The following ADAM23 variants were observed in gnomAD, a reference collection of about 807,000 sequenced individuals.
The protein encoded by ADAM23 is ADAM metallopeptidase domain 23.
Under a neutral mutation model 120.1 loss-of-function variants are expected in ADAM23, and 33 were observed. That is an observed-to-expected ratio of 0.27 (90% CI 0.21 to 0.37). The LOEUF is 0.37. Among genes scored for constraint, ADAM23 ranks in the 10% least tolerant of loss-of-function variants. The probability of loss-of-function intolerance (pLI) is 1.00; values close to 1 mark genes in which losing one functional copy is unlikely to be tolerated. For synonymous variants in ADAM23, 367 were observed against 375.2 expected (o/e 0.98, Z 0.25); for missense variants, 862 against 1,058.2 (o/e 0.81, Z 2.57).
intron 15 of ADAM23, among the ~76,000 whole-genome samples, chr2:206,568,550 C>G (rs1269768268): frequency 3.9e-5 from 6 of 152,196 alleles, no homozygotes; most frequent in Admixed American, 3.9e-4. Flanking sequence ...TAAACTTCAG[C>G]AAAGCTGGAA....
intron 3 of ADAM23, among the ~76,000 whole-genome samples, chr2:206,498,829 T>C (rs1403543056): frequency 6.6e-6 from 1 of 151,944 alleles, no homozygotes; most frequent in African/African-American, 2.4e-5. Flanking sequence ...CATCAAAAAG[T>C]GGGTGAAGGA....
intron 3 of ADAM23, among the ~76,000 whole-genome samples, chr2:206,493,928 A>G (rs1160670470): frequency 2.6e-5 from 4 of 152,108 alleles, no homozygotes; most frequent in African/African-American, 4.8e-5. Flanking sequence ...TCTCTTGTAA[A>G]TCTCCAGGAT....
intron 4 of ADAM23, among the ~76,000 whole-genome samples, chr2:206,535,302 T>C (rs1453663017): frequency 6.6e-6 from 1 of 152,204 alleles, no homozygotes; most frequent in Non-Finnish European, 1.5e-5. Flanking sequence ...TGATGGACAA[T>C]AACAAGTGCT....
intron 2 of ADAM23, among the ~76,000 whole-genome samples, chr2:206,456,540 A>G (rs993416819): frequency 6.6e-6 from 1 of 152,192 alleles, no homozygotes; most frequent in African/African-American, 2.4e-5. Flanking sequence ...TTACAATTCA[A>G]CATGATATTT....
chr2:206,458,200 C>T (rs1695339021), intron 2 of ADAM23, among the ~76,000 whole-genome samples: 1 of 72,976 alleles, frequency 1.4e-5, no homozygotes, highest in South Asian at 4.2e-4. Context: ...TTACTTAGCC[C>T]CTCTAAGCCC....
At chr2:206,591,236 T>TA (rs1162398914) in intron 21 of ADAM23, among the ~76,000 whole-genome samples, 9 of 152,060 alleles carry the variant, frequency 5.9e-5, no homozygotes, top group Non-Finnish European at 7.4e-5. Flanking sequence ...TTTTACCAAA[T>TA]AATTATGAAG....
chr2:206,567,561 C>G (rs553365132), intron 15 of ADAM23, among the ~76,000 whole-genome samples: 1 of 152,132 alleles, frequency 6.6e-6, no homozygotes. Flanking sequence ...CTCCCAAATC[C>G]TCCCTTCCAA....
intron 3 of ADAM23, 34 bp downstream of exon 3, chr2:206,481,342 G>T (rs747241313): frequency 1.3e-5 from 19 of 1,489,540 alleles, no homozygotes; most frequent in Non-Finnish European, 1.6e-5. Flanking sequence ...TTAAGAAGCA[G>T]GTGCAATAAA....
intron 2 of ADAM23, among the ~76,000 whole-genome samples, chr2:206,479,241 C>T (rs1695845145): frequency 6.6e-6 from 1 of 152,186 alleles, no homozygotes; most frequent in East Asian, 1.9e-4. Flanking sequence ...ACTACATTTA[C>T]CACCAGATTA....
intron 24 of ADAM23, among the ~76,000 whole-genome samples, chr2:206,603,891 T>C (rs1412350724): frequency 6.6e-6 from 1 of 151,264 alleles, no homozygotes; most frequent in Non-Finnish European, 1.5e-5. Context: ...ATGTGGCTTA[T>C]ATAAAAATTG....
chr2:206,546,867 G>A (rs1354353693), intron 6 of ADAM23, among the ~76,000 whole-genome samples: 1 of 152,050 alleles, frequency 6.6e-6, no homozygotes, highest in African/African-American at 2.4e-5. Flanking sequence ...TAAGAATAAT[G>A]GTAATAGACA....
chr2:206,535,582 G>A (rs1336967960), intron 4 of ADAM23, among the ~76,000 whole-genome samples: 2 of 152,190 alleles, frequency 1.3e-5, no homozygotes, highest in Non-Finnish European at 2.9e-5. Flanking sequence ...GAAGGAATAA[G>A]GGAAATATGG....
chr2:206,590,353 C>T (rs1698403998), intron 21 of ADAM23, among the ~76,000 whole-genome samples: 2 of 152,322 alleles, frequency 1.3e-5, no homozygotes, highest in South Asian at 2.1e-4. Flanking sequence ...CCTCCTCAGC[C>T]TCTCAAAGTG....
At chr2:206,504,497 C>G (rs896427810) in intron 3 of ADAM23, among the ~76,000 whole-genome samples, 1 of 152,122 alleles carries the variant, frequency 6.6e-6, no homozygotes, top group Non-Finnish European at 1.5e-5. Flanking sequence ...GTAAGAGACG[C>G]CCTGCCTTGA....
chr2:206,472,893 A>G (rs1479348438), intron 2 of ADAM23, among the ~76,000 whole-genome samples: 2 of 152,150 alleles, frequency 1.3e-5, no homozygotes, highest in Non-Finnish European at 1.5e-5. Context: ...GCTTCCTTTA[A>G]GTAGGAGATG....
Position 206,452,142 on chromosome 2 carries a change from A to G in ADAM23, c.432+6618A>G, listed in dbSNP as rs1436888345. Among the ~76,000 whole-genome samples the G allele has an allele frequency of 2.0e-5, 3 of 152,232 alleles. No homozygotes were observed. The East Asian group carries it at 5.8e-4, about 29-fold the overall frequency. ...GGTAAGATGTGGCTCCTCTTTAGATAGGATGACACATGCTGTTTACTGCAG... is the reference window on the plus strand; with the variant it reads ...GGTAAGATGTGGCTCCTCTTTAGATGGGATGACACATGCTGTTTACTGCAG... On this transcript the variant is annotated intron_variant, in intron 2 of 25. Coordinates refer to ENST00000264377, the MANE Select transcript of ADAM23 (RefSeq NM_003812.4).
rs537202173 is a variant in ADAM23 at position 206,612,950 on chromosome 2, C to G, written c.2450+2950C>G. On this transcript the variant is annotated intron_variant, in intron 25 of 25. Coordinates refer to ENST00000264377, the MANE Select transcript of ADAM23 (RefSeq NM_003812.4). ...TTGGTTAATGCAAGCAAGACTTCCA[C>G]AAGCAAGGTTGTGGATTTCCTGAAG... Among the ~76,000 whole-genome samples the G allele has an allele frequency of 8.6e-4, 131 of 152,340 alleles. 1 individual carries two copies. The highest frequency in any genetic ancestry group is 2.9e-3 in the African/African-American group (120 of 41,576).
intron 11 of ADAM23, 30 bp downstream of exon 11, chr2:206,560,148 TC>T: frequency 6.3e-7 from 1 of 1,592,342 alleles, no homozygotes; most frequent in Non-Finnish European, 8.6e-7. Context: ...TTTAGTGTAG[TC>T]TTTGGTCTGA....
intron 3 of ADAM23, among the ~76,000 whole-genome samples, chr2:206,501,517 A>G (rs1337169734): frequency 6.6e-6 from 1 of 152,100 alleles, no homozygotes; most frequent in East Asian, 1.9e-4. Flanking sequence ...TTCTGTTCGT[A>G]TGTGTTTACC....
Sources: allele counts gnomAD v4.1 joint callset (sites outside exome capture counted in the v4.1 genomes callset), GRCh38; gene constraint gnomAD v4.1.1; transcripts MANE v1.5; gene names NCBI Gene and HGNC (gene_info 2026-07-23, HGNC 2026-07-21).